The following MAGI2 variants were observed in gnomAD, a reference collection of about 807,000 sequenced individuals.
The protein encoded by MAGI2 is membrane associated guanylate kinase, WW and PDZ domain containing 2.
In MAGI2, 35 loss-of-function variants were observed where a neutral mutation model predicts 133.3. The observed-to-expected ratio is 0.26, with a 90% confidence interval of 0.20 to 0.35. The LOEUF (loss-of-function observed/expected upper bound fraction) is 0.35, where lower values mean the gene tolerates loss of function less well. MAGI2 is among the 10% of genes least tolerant of loss of function. MAGI2 has a pLI of 1.00. For missense variants in MAGI2, 1,636 were observed against 1,863.4 expected, an observed-to-expected ratio of 0.88 and a Z score of 2.25; for synonymous variants, 729 against 710.6, an observed-to-expected ratio of 1.03 and a Z score of -0.41.
intron 1 of MAGI2, among the ~76,000 whole-genome samples, chr7:79,108,977 T>C (rs1392877486): frequency 6.6e-6 from 1 of 152,194 alleles, no homozygotes; most frequent in East Asian, 1.9e-4. Context: ...AAAAACTCCC[T>C]GAGGCCTCCC....
chr7:79,375,477 T>C (rs1843324345), intron 1 of MAGI2, among the ~76,000 whole-genome samples: 1 of 151,980 alleles, frequency 6.6e-6, no homozygotes, highest in Non-Finnish European at 1.5e-5. Flanking sequence ...ATACAAATAA[T>C]TTTTTTCATC....
chr7:78,125,113 C>A (rs964275887), intron 20 of MAGI2, among the ~76,000 whole-genome samples: 1 of 152,146 alleles, frequency 6.6e-6, no homozygotes, highest in African/African-American at 2.4e-5. Context: ...ATCCTCCCGC[C>A]TCAGCCTCCC....
chr7:78,863,024 C>T (rs1273719294), intron 2 of MAGI2, among the ~76,000 whole-genome samples: 1 of 152,204 alleles, frequency 6.6e-6, no homozygotes, highest in East Asian at 1.9e-4. Flanking sequence ...AAATCTCAGC[C>T]TAATCCAACT....
rs142717379 is a variant in MAGI2 at position 78,908,320 on chromosome 7, C to T, written c.418+98770G>A. On this transcript the variant is annotated intron_variant, in intron 2 of 21. Transcript: ENST00000354212. ...CAAAGTCTCTGAAATAGGAAGTATACCAGTGTTTAAATTTTGGCATTTCAT... is the reference window on the plus strand; with the variant it reads ...CAAAGTCTCTGAAATAGGAAGTATATCAGTGTTTAAATTTTGGCATTTCAT... Among the ~76,000 whole-genome samples the T allele has an allele frequency of 7.4e-3, 1,127 of 152,242 alleles. 15 individuals are homozygous for T. Among genetic ancestry groups the T allele is most frequent in the African/African-American group, 0.025 (1,058 of 41,528 alleles).
intron 2 of MAGI2, among the ~76,000 whole-genome samples, chr7:78,813,192 T>C (rs73369419): frequency 0.027 from 4,165 of 152,304 alleles, 190 homozygotes; most frequent in African/African-American, 0.094. Flanking sequence ...AGGAACACTT[T>C]CATTCTTATT....
chr7:79,337,109 T>C (rs1840491772), intron 1 of MAGI2, among the ~76,000 whole-genome samples: 1 of 152,140 alleles, frequency 6.6e-6, no homozygotes, highest in Admixed American at 6.6e-5. Flanking sequence ...ACCTGAGATA[T>C]ACATAACATT....
intron 1 of MAGI2, among the ~76,000 whole-genome samples, chr7:79,088,262 T>G (rs56010284): frequency 2.6e-5 from 4 of 152,114 alleles, no homozygotes; most frequent in African/African-American, 9.7e-5. Flanking sequence ...TATTTTATTC[T>G]CTTTGTAGTA....
chr7:78,396,930 T>C (rs969719405), intron 6 of MAGI2, among the ~76,000 whole-genome samples: 2 of 152,102 alleles, frequency 1.3e-5, no homozygotes, highest in African/African-American at 4.8e-5. Context: ...ATCATGCATA[T>C]TTTCATTTAG....
rs181102313 is a variant in MAGI2 at position 78,902,420 on chromosome 7, A to G, written c.418+104670T>C. On this transcript the variant is annotated intron_variant, in intron 2 of 21. Transcript: ENST00000354212. ...AAATTATTTGCTTTCAAACCAAACC[A>G]TAGTACCAATATAAGCAAATAACCT... is the stretch of plus-strand genomic sequence containing the variant. 40 of 152,316 alleles carry G rather than the reference A, an allele frequency of 2.6e-4. 1 individual carries two copies. The highest frequency in any genetic ancestry group is 2.4e-3 in the Admixed American group (37 of 15,300). 9.4% of individuals were successfully genotyped at this position (152,316 alleles called of 1,614,324 possible).
chr7:78,841,359 A>C (rs1348567325), intron 2 of MAGI2, among the ~76,000 whole-genome samples: 1 of 151,998 alleles, frequency 6.6e-6, no homozygotes, highest in Non-Finnish European at 1.5e-5. Flanking sequence ...CTTGCCTTGG[A>C]ACTTCCTCGC....
At chr7:78,329,756 G>A (rs1788980092) in intron 9 of MAGI2, among the ~76,000 whole-genome samples, 1 of 152,182 alleles carries the variant, frequency 6.6e-6, no homozygotes, top group African/African-American at 2.4e-5. Flanking sequence ...TTACTGATCT[G>A]TAAAACGTGC....
chr7:78,335,209 G>T (rs2151162634), intron 9 of MAGI2, among the ~76,000 whole-genome samples: 1 of 152,242 alleles, frequency 6.6e-6, no homozygotes, highest in African/African-American at 2.4e-5. Flanking sequence ...GGGCAGCATG[G>T]ATAGGAAGGA....
chr7:78,488,046 G>T (rs1324908197), intron 6 of MAGI2, among the ~76,000 whole-genome samples: 6 of 152,008 alleles, frequency 3.9e-5, no homozygotes, highest in Non-Finnish European at 8.8e-5. Flanking sequence ...TAACAAACTA[G>T]ATGTTAGTTT....
chr7:78,561,182 C>T (rs1333295418), intron 3 of MAGI2, among the ~76,000 whole-genome samples: 1 of 152,060 alleles, frequency 6.6e-6, no homozygotes, highest in Non-Finnish European at 1.5e-5. Context: ...ATACTGAGAT[C>T]AAGAGCTGGA....
chr7:78,696,626 C>G (rs529728903), intron 2 of MAGI2, among the ~76,000 whole-genome samples: 1 of 151,630 alleles, frequency 6.6e-6, no homozygotes, highest in South Asian at 2.1e-4. Context: ...CACATTTTAA[C>G]AAAAAGTAAC....
rs541889042 is a variant in MAGI2, at chr7:79,178,668, C to T, written c.302-171462G>A. On this transcript the variant is annotated intron_variant, in intron 1 of 21. Coordinates refer to ENST00000354212, the MANE Select transcript of MAGI2 (RefSeq NM_012301.4). ...CGGAGGTTGCAGTGAGCCGAGATCA[C>T]GCCACTGCACTCCAGACTGGGCAAC... Among the ~76,000 whole-genome samples the T allele has an allele frequency of 1.7e-3, 264 of 151,394 alleles. 3 individuals are homozygous for T. Among genetic ancestry groups the T allele is most frequent in the African/African-American group, 5.8e-3 (240 of 41,116 alleles).
intron 1 of MAGI2, among the ~76,000 whole-genome samples, chr7:79,451,683 G>A (rs983711620): frequency 2.6e-5 from 4 of 152,080 alleles, no homozygotes; most frequent in South Asian, 2.1e-4. Flanking sequence ...TTAACAGTGC[G>A]GTACATCTCC....
intron 6 of MAGI2, among the ~76,000 whole-genome samples, chr7:78,391,313 A>G (rs1359247707): frequency 6.6e-6 from 1 of 152,234 alleles, no homozygotes; most frequent in African/African-American, 2.4e-5. Flanking sequence ...TTTAATATCT[A>G]GTATTTATGC....
intron 21 of MAGI2, chr7:78,025,922 T>TGTCCC (rs1808868122): frequency 6.6e-6 from 1 of 152,330 alleles, no homozygotes; most frequent in Non-Finnish European, 1.5e-5. Flanking sequence ...ATAGCTTTAC[T>TGTCCC]TAAAGGAGCT....
Sources: allele counts gnomAD v4.1 joint callset (sites outside exome capture counted in the v4.1 genomes callset), GRCh38; gene constraint gnomAD v4.1.1; transcripts MANE v1.5; gene names NCBI Gene and HGNC (gene_info 2026-07-23, HGNC 2026-07-21).